Variants in COL4A5 observed in about 807,000 individuals in gnomAD.
The protein encoded by COL4A5 is collagen alpha-5(IV) chain.
COL4A5 carries 26 observed loss-of-function variants against 130.2 expected under a neutral mutation model. The observed-to-expected ratio is 0.20, with a 90% confidence interval of 0.15 to 0.28. The LOEUF (loss-of-function observed/expected upper bound fraction) is 0.28. Ranked by LOEUF, COL4A5 falls within the 10% of genes least tolerant of loss-of-function variation. The pLI, the probability that COL4A5 is intolerant of heterozygous loss-of-function variation, is 1.00. For synonymous variants in COL4A5, 496 were observed against 439.6 expected (o/e 1.13, Z -1.60); for missense variants, 1,131 against 1,344.3 (o/e 0.84, Z 2.48).
At chrX:108,444,222 TC>T (rs1362863379) in intron 1 of COL4A5, among the ~76,000 whole-genome samples, 3 of 102,506 alleles carry the variant, frequency 2.9e-5, no homozygotes, top group African/African-American at 1.2e-4. Context: ...CTTTTTTTTT[TC>T]TTTTTTTTTT....
chrX:108,448,165 A>G (rs1016460767), intron 1 of COL4A5, among the ~76,000 whole-genome samples: 1 of 112,343 alleles, frequency 8.9e-6, no homozygotes. Flanking sequence ...TTAATTAAAG[A>G]CAGTCAAAGG....
chrX:108,590,756 A>G (rs1162461068), intron 19 of COL4A5, among the ~76,000 whole-genome samples: 5 of 111,852 alleles, frequency 4.5e-5, no homozygotes, highest in Non-Finnish European at 9.4e-5. Flanking sequence ...ATACCTTTTT[A>G]TCTTGCTAAT....
At chrX:108,479,564 A>G (rs748896503) in intron 1 of COL4A5, among the ~76,000 whole-genome samples, 3 of 111,510 alleles carry the variant, frequency 2.7e-5, no homozygotes, top group East Asian at 5.6e-4. Flanking sequence ...TCCTCTGTCA[A>G]CTGATCATAG....
chrX:108,649,716 T>C (rs996170159), intron 36 of COL4A5, among the ~76,000 whole-genome samples: 1 of 111,555 alleles, frequency 9.0e-6, no homozygotes, highest in Non-Finnish European at 1.9e-5. Flanking sequence ...TGTAGGAGAA[T>C]GAAACTGGAT....
intron 29 of COL4A5, among the ~76,000 whole-genome samples, chrX:108,609,825 T>C (rs2147839359): frequency 9.0e-6 from 1 of 111,265 alleles, no homozygotes; most frequent in Admixed American, 9.6e-5. Context: ...CAAATAATAA[T>C]ATATGTGTTG....
At chrX:108,655,858 A>G (rs766145621) in intron 37 of COL4A5, among the ~76,000 whole-genome samples, 84 of 112,857 alleles carry the variant, frequency 7.4e-4, no homozygotes, top group African/African-American at 2.7e-3. Context: ...ACAATCATAC[A>G]GTTCCTTCAA....
chrX:108,524,799 T>C (rs2065297528), intron 1 of COL4A5, among the ~76,000 whole-genome samples: 1 of 112,022 alleles, frequency 8.9e-6, no homozygotes, highest in Non-Finnish European at 1.9e-5. Context: ...CTTGTTGATA[T>C]CCTGTTTATT....
chrX:108,681,087 C>G, intron 46 of COL4A5, 131 bp downstream of exon 46: 2 of 527,526 alleles, frequency 3.8e-6, no homozygotes, highest in Non-Finnish European at 6.5e-6. Context: ...ATAAACAAGG[C>G]TCTGCCTTTA....
chrX:108,665,513 C>T lies in COL4A5; in HGVS notation c.3380C>T (p.Pro1127Leu). ...ATTGAGCTCTTTACTCTAGGAACCC[C>T]AGGCCCTCCTGGACCAAAAGGTATT... ...QPGLPGFPGTPGPPGPKGISG... is the reference protein window; with the variant it reads ...QPGLPGFPGTLGPPGPKGISG... The change falls in exon 38 of 53, where the codon CCA (proline) becomes CTA (leucine). Residue 1127 changes from proline (P) to leucine (L), a missense_variant. Coordinates refer to ENST00000328300, the MANE Select transcript of COL4A5 (RefSeq NM_033380.3). The T allele has an allele frequency of 8.3e-7, 1 of 1,205,905 alleles. No homozygotes were observed. Among genetic ancestry groups the T allele is most frequent in the South Asian group, 1.8e-5 (1 of 56,547 alleles).
intron 36 of COL4A5, among the ~76,000 whole-genome samples, chrX:108,630,546 T>C (rs912387630): frequency 8.0e-4 from 90 of 112,423 alleles, no homozygotes; most frequent in African/African-American, 2.4e-3. Flanking sequence ...TTGTAGATTC[T>C]GGATATTAGC....
At position 108,606,604 on chromosome X, in the gene COL4A5, A is replaced by G. The variant is rs891632367; in HGVS notation, c.2245-138A>G. On this transcript the variant is annotated intron_variant, in intron 28 of 52. Transcript: ENST00000328300. Reference sequence around the variant, plus strand: ...TTCTCCAACATACCAATTACTTTTTATTTAATTATCTTCTCCTCTCCCCCC... The same window carrying G: ...TTCTCCAACATACCAATTACTTTTTGTTTAATTATCTTCTCCTCTCCCCCC... 2.6e-5 allele frequency: 17 copies of G among 653,637 alleles called. No homozygotes were observed. In the Admixed American group the frequency reaches 3.8e-4, roughly 14 times the overall value. The allele number at this position is 653,637 out of a possible 1,213,427, so 53.9% of individuals were successfully genotyped here. A position where few individuals can be genotyped will look rare whatever the true frequency, so the allele number is the denominator to read the frequency against.
At chrX:108,453,213 T>C (rs1427606995) in intron 1 of COL4A5, among the ~76,000 whole-genome samples, 1 of 111,687 alleles carries the variant, frequency 9.0e-6, no homozygotes, top group African/African-American at 3.3e-5. Context: ...AAAAAGCTAG[T>C]TGATAAAGTT....
intron 1 of COL4A5, among the ~76,000 whole-genome samples, chrX:108,503,137 C>A (rs1461285508): frequency 9.0e-6 from 1 of 111,460 alleles, no homozygotes; most frequent in East Asian, 2.8e-4. Context: ...CTTGATCAGA[C>A]TTAGTTTTGA....
intron 1 of COL4A5, among the ~76,000 whole-genome samples, chrX:108,453,420 A>G (rs922070464): frequency 3.6e-5 from 4 of 111,687 alleles, no homozygotes; most frequent in Non-Finnish European, 5.6e-5. Context: ...AAGTAAAATA[A>G]TCTCTCTTCC....
intron 36 of COL4A5, among the ~76,000 whole-genome samples, chrX:108,649,147 GC>G (rs1299697720): frequency 5.5e-5 from 6 of 109,377 alleles, no homozygotes; most frequent in African/African-American, 2.0e-4. Context: ...TACAATAGCT[GC>G]AAAAAATAAA....
chrX:108,623,001 T>G (rs371000986), intron 33 of COL4A5, among the ~76,000 whole-genome samples, 176 bp downstream of exon 33: 1 of 112,337 alleles, frequency 8.9e-6, no homozygotes, highest in African/African-American at 3.2e-5. Context: ...CCAGTCAACT[T>G]TTGTTTGAGT....
intron 1 of COL4A5, among the ~76,000 whole-genome samples, chrX:108,445,521 A>G (rs1056624023): frequency 5.4e-5 from 6 of 112,133 alleles, no homozygotes; most frequent in Non-Finnish European, 7.5e-5. Context: ...TCTTCCCTTC[A>G]TGGTGTTTAC....
intron 3 of COL4A5, among the ~76,000 whole-genome samples, chrX:108,559,986 G>A (rs1266957596): frequency 1.8e-5 from 2 of 111,512 alleles, no homozygotes; most frequent in Admixed American, 1.9e-4. Flanking sequence ...GTTTAGACAA[G>A]AGCCATATTC....
chrX:108,528,165 T>G (rs1037939659), intron 1 of COL4A5, among the ~76,000 whole-genome samples: 2 of 112,124 alleles, frequency 1.8e-5, no homozygotes, highest in African/African-American at 6.5e-5. Context: ...ACCGCAGCCT[T>G]AAGACTAGCA....
Sources: allele counts gnomAD v4.1 joint callset (sites outside exome capture counted in the v4.1 genomes callset), GRCh38; gene constraint gnomAD v4.1.1; transcripts MANE v1.5; gene names NCBI Gene and HGNC (gene_info 2026-07-23, HGNC 2026-07-21).